Variants in CCDC148 observed in about 807,000 individuals in gnomAD.
CCDC148 encodes coiled-coil domain-containing protein 148.
CCDC148 carries 89 observed loss-of-function variants against 85.7 expected under a neutral mutation model. The observed-to-expected ratio is 1.04, with a 90% CI of 0.87 to 1.24. The LOEUF (loss-of-function observed/expected upper bound fraction) is 1.24, where lower values mean the gene tolerates loss of function less well. Ranked by LOEUF, CCDC148 falls within the 50% of genes most tolerant of loss-of-function variation. The pLI is 0.00. For synonymous variants in CCDC148, 230 were observed against 213.9 expected, an observed-to-expected ratio of 1.08 and a Z score of -0.66; for missense variants, 692 against 671.7, an observed-to-expected ratio of 1.03 and a Z score of -0.33.
Position 158,175,672 on chromosome 2 carries a change from G to C in CCDC148, c.1629+849C>G, listed in dbSNP as rs187325491. ...ATATAATATATGTTCCATAAATATTGGTTCAATTAATAAATGAATTATGCC... is the reference window on the plus strand; with the variant it reads ...ATATAATATATGTTCCATAAATATTCGTTCAATTAATAAATGAATTATGCC... On this transcript the variant is annotated intron_variant, in intron 13 of 13. Transcript: ENST00000283233. Among the ~76,000 whole-genome samples the C allele has an allele frequency of 6.3e-4, 96 of 152,130 alleles. 1 individual carries two copies. Among genetic ancestry groups the C allele is most frequent in the African/African-American group, 2.1e-3 (87 of 41,518 alleles).
At chr2:158,278,337 G>A (rs1367675924) in intron 9 of CCDC148, among the ~76,000 whole-genome samples, 1 of 152,138 alleles carries the variant, frequency 6.6e-6, no homozygotes, top group Non-Finnish European at 1.5e-5. Flanking sequence ...GCCTCACTCG[G>A]GATGCGAAAG....
chr2:158,414,930 A>G (rs146095707), intron 1 of CCDC148, among the ~76,000 whole-genome samples: 9 of 152,298 alleles, frequency 5.9e-5, no homozygotes, highest in African/African-American at 2.2e-4. Flanking sequence ...TTTCATTGAG[A>G]TAGACATGAA....
intron 10 of CCDC148, among the ~76,000 whole-genome samples, chr2:158,230,539 G>A (rs1429982148): frequency 6.6e-6 from 1 of 152,188 alleles, no homozygotes; most frequent in Non-Finnish European, 1.5e-5. Flanking sequence ...CATAGGTTAA[G>A]ACTAGAAGCG....
At chr2:158,176,767 G>T in intron 12 of CCDC148, 106 bp from the exon 13 acceptor site, 1 of 1,302,394 alleles carries the variant, frequency 7.7e-7, no homozygotes. Flanking sequence ...TTTTATTAAA[G>T]GTAAAGCCTG....
At chr2:158,172,323 G>A in intron 13 of CCDC148, 64 bp from the exon 14 acceptor site, 1 of 1,284,690 alleles carries the variant, frequency 7.8e-7, no homozygotes, top group Non-Finnish European at 1.1e-6. Context: ...TTAACATTTA[G>A]TTCCATGTTT....
intron 10 of CCDC148, among the ~76,000 whole-genome samples, chr2:158,243,136 G>A (rs1021047275): frequency 3.9e-5 from 6 of 152,078 alleles, no homozygotes; most frequent in African/African-American, 7.2e-5. Context: ...GATCTGGATA[G>A]TCACAGCTCT....
intron 11 of CCDC148, among the ~76,000 whole-genome samples, chr2:158,216,076 T>C (rs1020963544): frequency 6.6e-6 from 1 of 152,232 alleles, no homozygotes; most frequent in Admixed American, 6.5e-5. Context: ...AGCTAACTAA[T>C]ACAGTGGTAT....
At chr2:158,321,585 A>G (rs1692521502) in intron 7 of CCDC148, among the ~76,000 whole-genome samples, 1 of 152,176 alleles carries the variant, frequency 6.6e-6, no homozygotes, top group South Asian at 2.1e-4. Flanking sequence ...CCAATGTTTT[A>G]ACTTGTTGTC....
At chr2:158,283,673 T>C (rs1276090234) in intron 9 of CCDC148, among the ~76,000 whole-genome samples, 2 of 151,898 alleles carry the variant, frequency 1.3e-5, no homozygotes, top group African/African-American at 4.8e-5. Context: ...TTTACACTGT[T>C]GGTGGGACTG....
intron 1 of CCDC148, among the ~76,000 whole-genome samples, chr2:158,429,789 A>G (rs74606352): frequency 0.15 from 22,712 of 152,194 alleles, 2,205 homozygotes; most frequent in Non-Finnish European, 0.21. Context: ...AAATTGGATA[A>G]CAGGCAAAAC....
chr2:158,384,028 G>T (rs1158492632), intron 1 of CCDC148, among the ~76,000 whole-genome samples: 1 of 152,138 alleles, frequency 6.6e-6, no homozygotes, highest in Non-Finnish European at 1.5e-5. Context: ...ATGTCCTTCA[G>T]TTTTGGTTTG....
chr2:158,395,349 T>G (rs575802844), intron 1 of CCDC148, among the ~76,000 whole-genome samples: 99 of 152,214 alleles, frequency 6.5e-4, no homozygotes, highest in Non-Finnish European at 1.2e-3. Flanking sequence ...AGCCACTTCC[T>G]CCTCCCTGCT....
intron 1 of CCDC148, among the ~76,000 whole-genome samples, chr2:158,455,692 A>G (rs1240515154): frequency 6.6e-6 from 1 of 152,230 alleles, no homozygotes; most frequent in African/African-American, 2.4e-5. Flanking sequence ...AAAGAATGTA[A>G]GAATATCAGT....
chr2:158,358,467 A>C lies in CCDC148; in HGVS notation c.129T>G (p.Ser43=), dbSNP rs1355866242. The C allele has an allele frequency of 1.2e-6, 2 of 1,607,128 alleles. No individual in the cohort carries two copies. Among genetic ancestry groups the C allele is most frequent in the East Asian group, 2.3e-5 (1 of 44,256 alleles). The change falls in exon 2 of 14, where the codon TCT becomes TCG. Residue 43 remains serine, a synonymous_variant. Coordinates refer to ENST00000283233, the MANE Select transcript of CCDC148 (RefSeq NM_138803.4). ...RALTEAKKLA[S]ASAKLKIRKA... ...TTCTAACCTTTAGCTTTGCAGAGGC[A>C]GAAGCCAATTTCTTTGCTTCAGTTA...
At chr2:158,432,235 T>TA (rs11445715) in intron 1 of CCDC148, among the ~76,000 whole-genome samples, 13,547 of 145,400 alleles carry the variant, frequency 0.093, 658 homozygotes, top group African/African-American at 0.12. Flanking sequence ...ATGATGAAAA[T>TA]AAAAAAAAAC....
intron 2 of CCDC148, among the ~76,000 whole-genome samples, chr2:158,352,435 G>T (rs1362674560): frequency 1.3e-5 from 2 of 152,202 alleles, no homozygotes; most frequent in East Asian, 1.9e-4. Context: ...GAATGCAGAA[G>T]CCTCAGGAGC....
At chr2:158,254,066 T>G (rs1382014744) in intron 9 of CCDC148, among the ~76,000 whole-genome samples, 1 of 151,670 alleles carries the variant, frequency 6.6e-6, no homozygotes, top group East Asian at 1.9e-4. Flanking sequence ...CAAAGAACTT[T>G]AACAAATTAC....
chr2:158,372,904 G>A (rs1399146000), intron 1 of CCDC148, among the ~76,000 whole-genome samples: 4 of 152,018 alleles, frequency 2.6e-5, no homozygotes, highest in Non-Finnish European at 5.9e-5. Flanking sequence ...TCCCTGAACG[G>A]ACAATGCTTG....
chr2:158,400,510 G>T (rs1157220347), intron 1 of CCDC148, among the ~76,000 whole-genome samples: 1 of 152,170 alleles, frequency 6.6e-6, no homozygotes, highest in Non-Finnish European at 1.5e-5. Flanking sequence ...ACCATATGCA[G>T]AAAGCTGAAA....
Sources: allele counts gnomAD v4.1 joint callset (sites outside exome capture counted in the v4.1 genomes callset), GRCh38; gene constraint gnomAD v4.1.1; transcripts MANE v1.5; gene names NCBI Gene and HGNC (gene_info 2026-07-23, HGNC 2026-07-21).